CDC27: variants seen among roughly 807,000 people sequenced by gnomAD.
The protein encoded by CDC27 is cell division cycle 27, also known as cell division cycle protein 27 homolog.
CDC27 carries 27 observed loss-of-function variants against 109.7 expected under a neutral mutation model. The ratio of observed to expected loss-of-function variants is 0.25; its 90% CI spans 0.18 to 0.34. The LOEUF (loss-of-function observed/expected upper bound fraction) is 0.34, where lower values mean the gene tolerates loss of function less well. Among genes scored for constraint, CDC27 ranks in the 10% least tolerant of loss-of-function variants. CDC27 has a pLI of 1.00. For synonymous variants in CDC27, 266 were observed against 333.9 expected (o/e 0.80, Z 2.22); for missense variants, 579 against 960.2 (o/e 0.60, Z 5.25).
At chr17:47,131,090 T>TA (rs904760969) in intron 15 of CDC27, among the ~76,000 whole-genome samples, 30 of 152,186 alleles carry the variant, frequency 2.0e-4, no homozygotes, top group African/African-American at 7.0e-4. Context: ...GAGAAAAGCT[T>TA]ACTCTCTTAC....
intron 12 of CDC27, among the ~76,000 whole-genome samples, chr17:47,140,477 T>G (rs1287596526): frequency 6.6e-6 from 1 of 152,210 alleles, no homozygotes; most frequent in Non-Finnish European, 1.5e-5. Context: ...GGTAGGTACC[T>G]TTTGGTTTCA....
chr17:47,121,606 C>T (rs1305847447), intron 18 of CDC27, among the ~76,000 whole-genome samples: 2 of 152,126 alleles, frequency 1.3e-5, no homozygotes, highest in African/African-American at 4.8e-5. Flanking sequence ...CCACAGCCAG[C>T]TACTTTTAAA....
At chr17:47,154,056 T>C (rs1376798706) in intron 8 of CDC27, among the ~76,000 whole-genome samples, 4 of 143,878 alleles carry the variant, frequency 2.8e-5, no homozygotes, top group African/African-American at 1.1e-4. Context: ...ACCACTGCAC[T>C]CCAGCCTGGG....
chr17:47,141,609 G>C (rs916476851), intron 12 of CDC27, among the ~76,000 whole-genome samples: 2 of 152,064 alleles, frequency 1.3e-5, no homozygotes, highest in East Asian at 3.8e-4. Flanking sequence ...CACACTCTAC[G>C]TAAGAATGTC....
At chr17:47,167,341 T>C (rs2063681048) in intron 4 of CDC27, among the ~76,000 whole-genome samples, 1 of 152,246 alleles carries the variant, frequency 6.6e-6, no homozygotes, top group South Asian at 2.1e-4. Flanking sequence ...CAACATTCCT[T>C]ATTAAAATTT....
chr17:47,158,615 T>C (rs1370812795), intron 4 of CDC27, among the ~76,000 whole-genome samples: 3 of 151,948 alleles, frequency 2.0e-5, no homozygotes, highest in Non-Finnish European at 4.4e-5. Context: ...TCAGTATTAT[T>C]CTTAATTTTT....
intron 2 of CDC27, among the ~76,000 whole-genome samples, chr17:47,177,077 A>G (rs1338124445): frequency 6.6e-6 from 1 of 152,156 alleles, no homozygotes; most frequent in East Asian, 1.9e-4. Flanking sequence ...GATGCAATCT[A>G]TACATCTTAC....
chr17:47,185,357 T>C (rs1035495243), intron 1 of CDC27, among the ~76,000 whole-genome samples: 3 of 152,004 alleles, frequency 2.0e-5, no homozygotes, highest in Non-Finnish European at 2.9e-5. Context: ...TTTTTTTGTA[T>C]TTTTAGTAGA....
chr17:47,149,433 C>T (rs1274995370), intron 9 of CDC27, among the ~76,000 whole-genome samples: 2 of 149,090 alleles, frequency 1.3e-5, no homozygotes, highest in East Asian at 4.0e-4. Context: ...ATCGCTTTAA[C>T]CCAGGTGGCA....
Position 47,141,999 on chromosome 17 carries a change from T to C in CDC27, c.1405A>G (p.Met469Val), listed in dbSNP as rs2062808893. 5 of 1,593,894 alleles carry C rather than the reference T, an allele frequency of 3.1e-6. No individual in the cohort carries two copies. Among genetic ancestry groups the C allele is most frequent in the Non-Finnish European group, 4.3e-6 (5 of 1,172,772 alleles). The change falls in exon 12 of 19, where the codon ATG becomes GTG. Residue 469 changes from methionine (M) to valine (V), a missense_variant. By Grantham distance (21) the Met-to-Val change is conservative. Coordinates refer to ENST00000066544, the MANE Select transcript of CDC27 (RefSeq NM_001256.6). ...AEGLMSLLREMGKGYLALCSY... is the reference protein window; with the variant it reads ...AEGLMSLLREVGKGYLALCSY... The stretch of plus-strand genomic sequence containing the variant: ...CACAAAGCTAAATAACCTTTCCCCA[T>C]TTCACGAAGAAGGCTCATCAAACCT...
At chr17:47,169,840 T>C in intron 4 of CDC27, 77 bp downstream of exon 4, 2 of 1,255,362 alleles carry the variant, frequency 1.6e-6, no homozygotes, top group Non-Finnish European at 2.2e-6. Context: ...TAAACACTGA[T>C]CAACATAGGT....
rs796913486 is a variant in CDC27, at chr17:47,189,295, C to G, written c.-123G>C. The G allele has an allele frequency of 1.3e-5, 10 of 778,338 alleles. No homozygotes were observed. The African/African-American group carries it at 1.7e-4, about 13-fold the overall frequency. The allele number at this position is 778,338 out of a possible 1,614,324, so 48.2% of individuals were successfully genotyped here. A position where few individuals can be genotyped will look rare whatever the true frequency, so the allele number is the denominator to read the frequency against. On this transcript the variant is annotated 5_prime_UTR_variant, in exon 1 of 19. Transcript: ENST00000066544. ...TTACCGGGGGATGGGGGAGGCCGAGCGATTGCCGAGTGCTTCCGAGCGGGA... is the reference window on the plus strand; with the variant it reads ...TTACCGGGGGATGGGGGAGGCCGAGGGATTGCCGAGTGCTTCCGAGCGGGA...
At chr17:47,189,046 G>T in intron 1 of CDC27, 100 bp downstream of exon 1, 1 of 1,523,192 alleles carries the variant, frequency 6.6e-7, no homozygotes, top group Non-Finnish European at 9.0e-7. Context: ...GGCGGGAGAA[G>T]CAGCCGGGCC....
chr17:47,121,167 G>A, intron 18 of CDC27, 150 bp from the exon 19 acceptor site: 2 of 604,950 alleles, frequency 3.3e-6, no homozygotes, highest in Non-Finnish European at 5.8e-6. Flanking sequence ...TTAATAAAAT[G>A]CAACTCAAGT....
chr17:47,159,135 TTTG>T (rs1199250595), intron 4 of CDC27: 20 of 322,576 alleles, frequency 6.2e-5, no homozygotes, highest in Admixed American at 4.4e-4. Context: ...CAGGTTTTTA[TTTG>T]TTGTTGTTTT....
At chr17:47,151,960 G>A in intron 8 of CDC27, 42 bp from the exon 9 acceptor site, 1 of 1,546,944 alleles carries the variant, frequency 6.5e-7, no homozygotes, top group Non-Finnish European at 8.7e-7. Flanking sequence ...ATTATGGGCT[G>A]CACTGTAAAT....
chr17:47,149,596 G>C (rs1244351494), intron 9 of CDC27, among the ~76,000 whole-genome samples: 1 of 151,316 alleles, frequency 6.6e-6, no homozygotes, highest in East Asian at 1.9e-4. Context: ...TGGATCTATA[G>C]AAGGAAAGGG....
intron 2 of CDC27, 166 bp downstream of exon 2, chr17:47,181,396 T>C (rs2064232480): frequency 4.8e-6 from 2 of 413,346 alleles, no homozygotes; most frequent in South Asian, 1.1e-4. Flanking sequence ...TTAAAAGTAG[T>C]ATGTAAGGGA....
At chr17:47,133,077 AC>A (rs2062430596) in intron 14 of CDC27, among the ~76,000 whole-genome samples, 1 of 74,052 alleles carries the variant, frequency 1.4e-5, no homozygotes, top group African/African-American at 5.9e-5. Flanking sequence ...ACACACACAC[AC>A]ACACACAAAC....
Sources: gnomAD v4.1 joint callset for allele counts (sites outside exome capture counted in the v4.1 genomes callset) on GRCh38, gnomAD v4.1.1 for gene constraint, MANE v1.5 for transcripts, NCBI Gene and HGNC (gene_info 2026-07-23, HGNC 2026-07-21) for gene names.